Variants in ELMO1 observed in about 807,000 individuals in gnomAD.
The protein encoded by ELMO1 is engulfment and cell motility 1.
In ELMO1, 26 loss-of-function variants were observed where a neutral mutation model predicts 98.9. The observed-to-expected ratio is 0.26, with a 90% confidence interval of 0.19 to 0.36. The LOEUF (loss-of-function observed/expected upper bound fraction) is 0.36. ELMO1 is among the 10% of genes least tolerant of loss of function. The probability of loss-of-function intolerance (pLI) is 1.00; values close to 1 mark genes in which losing one functional copy is unlikely to be tolerated. For missense variants in ELMO1, 627 were observed against 935.2 expected, an observed-to-expected ratio of 0.67 and a Z score of 4.30; for synonymous variants, 346 against 346.0, an observed-to-expected ratio of 1.00 and a Z score of 0.00.
chr7:37,145,460 T>C (rs960998307), intron 13 of ELMO1, among the ~76,000 whole-genome samples: 3 of 152,236 alleles, frequency 2.0e-5, no homozygotes, highest in Non-Finnish European at 4.4e-5. Context: ...ATTTAGAAGC[T>C]TCTCACTCCA....
intron 13 of ELMO1, among the ~76,000 whole-genome samples, chr7:37,169,054 C>T (rs913040036): frequency 9.2e-5 from 14 of 152,300 alleles, no homozygotes; most frequent in African/African-American, 1.9e-4. Context: ...GCGGGCACCC[C>T]TCCCCCAGCC....
intron 13 of ELMO1, among the ~76,000 whole-genome samples, chr7:37,155,487 C>CAAAAAAAAAAAAAAAAAAAAAAA: frequency 2.0e-5 from 1 of 49,680 alleles, no homozygotes; most frequent in African/African-American, 6.7e-5. Context: ...AAACGGAAAG[C>CAAAAAAAAAAAAAAAAAAAAAAA]AAAAAAAAAA....
chr7:37,161,992 T>G, intron 13 of ELMO1, among the ~76,000 whole-genome samples: 1 of 124,108 alleles, frequency 8.1e-6, no homozygotes, highest in African/African-American at 2.9e-5. Flanking sequence ...TGTAAATAGG[T>G]CAACACAAAA....
intron 15 of ELMO1, among the ~76,000 whole-genome samples, chr7:37,026,123 C>A (rs548801135): frequency 6.6e-6 from 1 of 152,036 alleles, no homozygotes; most frequent in African/African-American, 2.4e-5. Context: ...AGAGAAGTGG[C>A]GCATTAAGAG....
intron 15 of ELMO1, among the ~76,000 whole-genome samples, chr7:37,019,250 A>C (rs1047728880): frequency 7.2e-5 from 11 of 152,260 alleles, no homozygotes; most frequent in African/African-American, 2.7e-4. Context: ...TCTGACCTCC[A>C]CATGAAGGGG....
chr7:37,195,697 C>G (rs767487139), intron 13 of ELMO1, among the ~76,000 whole-genome samples: 1 of 152,340 alleles, frequency 6.6e-6, no homozygotes, highest in East Asian at 1.9e-4. Flanking sequence ...CTTCTCCTAA[C>G]AGACCTGGTC....
rs1584253703 is a variant in ELMO1, at chr7:36,855,176, G to C, written c.*375C>G. On this transcript the variant is annotated 3_prime_UTR_variant, in exon 22 of 22. Coordinates refer to ENST00000310758, the MANE Select transcript of ELMO1 (RefSeq NM_014800.11). The surrounding 1 kb of genome is among the most constrained non-coding windows in gnomAD (Gnocchi z 4.2). The stretch of plus-strand genomic sequence containing the variant: ...GCCTTGGGGCACTGCCCTTGGTCTG[G>C]TGGGCAAGTTTTTGGGCAGTCTGGG... The C allele has an allele frequency of 3.6e-6, 1 of 274,234 alleles. No homozygotes were observed. The allele number at this position is 274,234 out of a possible 1,614,324, so 17.0% of individuals were successfully genotyped here.
Position 37,342,590 on chromosome 7 carries a change from C to G in ELMO1, c.78+23G>C. The G allele has an allele frequency of 6.2e-7, 1 of 1,610,932 alleles. No individual in the cohort carries two copies. Among genetic ancestry groups the G allele is most frequent in the South Asian group, 1.1e-5 (1 of 91,018 alleles). On this transcript the variant is annotated intron_variant, in intron 2 of 21. Coordinates refer to ENST00000310758, the MANE Select transcript of ELMO1 (RefSeq NM_014800.11). This position sits in a 1 kb window ranked among gnomAD's most constrained non-coding sequence, Gnocchi z 4.3. ...ATAGAAAGGAAACTGAAAATAGACACCCAATGCTGTCACGTTACTAACCTG... is the reference window on the plus strand; with the variant it reads ...ATAGAAAGGAAACTGAAAATAGACAGCCAATGCTGTCACGTTACTAACCTG...
chr7:37,281,429 C>T (rs1797136498), intron 4 of ELMO1, among the ~76,000 whole-genome samples: 1 of 152,152 alleles, frequency 6.6e-6, no homozygotes, highest in African/African-American at 2.4e-5. Context: ...ATACCCCCCA[C>T]AAACAGGGAA....
intron 1 of ELMO1, among the ~76,000 whole-genome samples, chr7:37,436,606 T>C (rs1805153809): frequency 6.6e-6 from 1 of 152,220 alleles, no homozygotes; most frequent in Non-Finnish European, 1.5e-5. Flanking sequence ...TAAAAGCTGT[T>C]ACTAAGTGAC....
At chr7:37,358,678 A>G (rs769899277) in intron 1 of ELMO1, among the ~76,000 whole-genome samples, 1 of 152,176 alleles carries the variant, frequency 6.6e-6, no homozygotes, top group Non-Finnish European at 1.5e-5. Flanking sequence ...CTCGGCCTTG[A>G]TTTGAAACTC....
chr7:36,938,983 G>A (rs181318823), intron 16 of ELMO1, among the ~76,000 whole-genome samples: 2 of 151,970 alleles, frequency 1.3e-5, no homozygotes, highest in Non-Finnish European at 2.9e-5. Context: ...AGCTATAATC[G>A]TACAACTGCA....
intron 13 of ELMO1, among the ~76,000 whole-genome samples, chr7:37,192,288 A>G (rs1477762805): frequency 6.6e-6 from 1 of 151,396 alleles, no homozygotes; most frequent in Non-Finnish European, 1.5e-5. Flanking sequence ...TGAAGTCAAG[A>G]GATCGAGACC....
At chr7:37,021,476 A>C (rs961118549) in intron 15 of ELMO1, among the ~76,000 whole-genome samples, 3 of 152,168 alleles carry the variant, frequency 2.0e-5, no homozygotes, top group African/African-American at 4.8e-5. Flanking sequence ...AAGGCTGAAA[A>C]TCAGCCTCAT....
At chr7:36,883,809 A>T (rs1287491707) in intron 18 of ELMO1, among the ~76,000 whole-genome samples, 1 of 152,206 alleles carries the variant, frequency 6.6e-6, no homozygotes, top group Non-Finnish European at 1.5e-5. Context: ...TAGTAATGCG[A>T]GAATGGACTA....
intron 16 of ELMO1, among the ~76,000 whole-genome samples, chr7:36,987,849 C>T (rs1055286597): frequency 1.3e-5 from 2 of 150,488 alleles, no homozygotes; most frequent in African/African-American, 4.9e-5. Flanking sequence ...CCTCTTCCTC[C>T]CAGGTTCAAG....
chr7:37,065,921 T>A (rs1796936205), intron 15 of ELMO1, among the ~76,000 whole-genome samples: 1 of 152,162 alleles, frequency 6.6e-6, no homozygotes, highest in African/African-American at 2.4e-5. Flanking sequence ...TCCCCACATG[T>A]CAAAGGCAGG....
chr7:37,230,268 A>G (rs1794096061), intron 8 of ELMO1, among the ~76,000 whole-genome samples: 1 of 152,202 alleles, frequency 6.6e-6, no homozygotes, highest in Admixed American at 6.5e-5. Flanking sequence ...TAAAAAATTC[A>G]CCGAAATGTG....
chr7:37,173,471 A>G (rs1790305379), intron 13 of ELMO1, among the ~76,000 whole-genome samples: 1 of 152,244 alleles, frequency 6.6e-6, no homozygotes, highest in South Asian at 2.1e-4. Context: ...CATTGGACCT[A>G]TTATAAGGGA....
Sources: gnomAD v4.1 joint callset for allele counts (sites outside exome capture counted in the v4.1 genomes callset) on GRCh38, gnomAD v4.1.1 for gene constraint, Gnocchi (gnomAD v3.1) non-coding constraint, MANE v1.5 for transcripts, NCBI Gene and HGNC (gene_info 2026-07-23, HGNC 2026-07-21) for gene names.